Variants in ANKS1B observed in about 807,000 individuals in gnomAD.
ANKS1B encodes the protein ankyrin repeat and sterile alpha motif domain containing 1B.
ANKS1B carries 36 observed loss-of-function variants against 148.3 expected under a neutral mutation model. The observed-to-expected ratio is 0.24, with a 90% CI of 0.19 to 0.32. The LOEUF is 0.32. ANKS1B is among the 10% of genes least tolerant of loss of function. ANKS1B has a pLI of 1.00. For synonymous variants in ANKS1B, 542 were observed against 560.8 expected (o/e 0.97, Z 0.47); for missense variants, 1,157 against 1,542.6 (o/e 0.75, Z 4.19).
In ANKS1B at chr12:98,912,736, A is replaced by G. The variant is rs1009606146; in HGVS notation, c.2779-80600T>C. Reference sequence around the variant, plus strand: ...TAGCTTTTACCGGCAGATTAAGAACAAAAGGGATTCCATCACAAATCCTGG... The same window carrying G: ...TAGCTTTTACCGGCAGATTAAGAACGAAAGGGATTCCATCACAAATCCTGG... On this transcript the variant is annotated intron_variant, in intron 17 of 26. Coordinates refer to ENST00000683438, the MANE Select transcript of ANKS1B (RefSeq NM_001352186.2). Among the ~76,000 whole-genome samples, 7 of 152,216 alleles carry G rather than the reference A, an allele frequency of 4.6e-5. No individual in the cohort carries two copies. The East Asian group carries it at 5.8e-4, about 13-fold the overall frequency.
chr12:99,315,207 T>G (rs1278840086), intron 12 of ANKS1B, among the ~76,000 whole-genome samples: 1 of 148,690 alleles, frequency 6.7e-6, no homozygotes, highest in East Asian at 2.0e-4. Context: ...GCCACTGCAC[T>G]CCAGCCTAGT....
chr12:99,493,638 A>G (rs1350181011), intron 10 of ANKS1B, among the ~76,000 whole-genome samples: 1 of 152,158 alleles, frequency 6.6e-6, no homozygotes, highest in Non-Finnish European at 1.5e-5. Context: ...AGGAATTGAT[A>G]GGGAGGTTGC....
chr12:99,522,316 G>A (rs2096883070), intron 9 of ANKS1B, among the ~76,000 whole-genome samples: 1 of 152,078 alleles, frequency 6.6e-6, no homozygotes, highest in South Asian at 2.1e-4. Flanking sequence ...GCTCCAATGG[G>A]AATGAATAGC....
chr12:99,847,916 G>C lies in ANKS1B; in HGVS notation c.135-22527C>G, dbSNP rs1354654328. On this transcript the variant is annotated intron_variant, in intron 1 of 26. Coordinates refer to ENST00000683438, the MANE Select transcript of ANKS1B (RefSeq NM_001352186.2). ...TACCCCAAAGCTTAAGGCAGAGTGGGAGTAGAGGAAGAGGGACAGGGAAAC... is the reference window on the plus strand; with the variant it reads ...TACCCCAAAGCTTAAGGCAGAGTGGCAGTAGAGGAAGAGGGACAGGGAAAC... 3.3e-5 allele frequency among the ~76,000 whole-genome samples: 5 copies of C among 152,186 alleles called. No individual in the cohort carries two copies. The East Asian group carries it at 5.8e-4, about 18-fold the overall frequency.
chr12:99,822,302 C>T (rs188362749), intron 2 of ANKS1B, among the ~76,000 whole-genome samples: 88 of 152,172 alleles, frequency 5.8e-4, no homozygotes, highest in South Asian at 1.0e-3. Flanking sequence ...AAAATAATTT[C>T]AACTTTTATT....
Position 98,746,953 on chromosome 12 carries a change from C to T in ANKS1B, c.3748-1104G>A, listed in dbSNP as rs78548617. ...AAAGACTTAGAGGGAAGACCTGAGA[C>T]GATGAAAGAACTGGAAGAAAACATT... is the stretch of plus-strand genomic sequence containing the variant. On this transcript the variant is annotated intron_variant, in intron 26 of 26. Coordinates refer to ENST00000683438, the MANE Select transcript of ANKS1B (RefSeq NM_001352186.2). Among the ~76,000 whole-genome samples, 1,009 of 152,124 alleles carry T rather than the reference C, an allele frequency of 6.6e-3. 7 individuals carry two copies. Among genetic ancestry groups the T allele is most frequent in the Non-Finnish European group, 8.2e-3 (559 of 68,010 alleles).
In ANKS1B at chr12:99,250,016, C is replaced by T. The variant is rs184361707; in HGVS notation, c.1757-3152G>A. 6.6e-5 allele frequency among the ~76,000 whole-genome samples: 10 copies of T among 152,274 alleles called. No individual in the cohort carries two copies. In the East Asian group the frequency reaches 9.6e-4, roughly 15 times the overall value. ...AAGATAGACGCTCTACTCATTGATC[C>T]GAGAGGCATGCCACATTATAGGGGC... On this transcript the variant is annotated intron_variant, in intron 12 of 26. Transcript: ENST00000683438.
intron 1 of ANKS1B, among the ~76,000 whole-genome samples, chr12:99,907,888 C>T (rs2093849836): frequency 6.7e-6 from 1 of 148,486 alleles, no homozygotes; most frequent in Non-Finnish European, 1.5e-5. Context: ...AGGATGTTCA[C>T]CTTAAAACTA....
chr12:99,923,268 A>G (rs2094406802), intron 1 of ANKS1B, among the ~76,000 whole-genome samples: 1 of 152,194 alleles, frequency 6.6e-6, no homozygotes, highest in African/African-American at 2.4e-5. Flanking sequence ...TTCAGGTGCT[A>G]ATGTATAAAT....
At chr12:99,473,250 T>G (rs561036550) in intron 10 of ANKS1B, among the ~76,000 whole-genome samples, 1 of 152,168 alleles carries the variant, frequency 6.6e-6, no homozygotes, top group South Asian at 2.1e-4. Context: ...TTTTTTCATT[T>G]AACACTTTCA....
chr12:99,073,151 AATTC>A (rs2046790387), intron 16 of ANKS1B, among the ~76,000 whole-genome samples: 1 of 152,232 alleles, frequency 6.6e-6, no homozygotes, highest in South Asian at 2.1e-4. Flanking sequence ...TGACCCATTT[AATTC>A]TACAGAGAAG....
At chr12:99,982,459 T>G (rs1267285872) in intron 1 of ANKS1B, among the ~76,000 whole-genome samples, 1 of 152,206 alleles carries the variant, frequency 6.6e-6, no homozygotes, top group African/African-American at 2.4e-5. Context: ...ATTCTCACTG[T>G]TCTCAAATAA....
intron 8 of ANKS1B, among the ~76,000 whole-genome samples, chr12:99,744,433 C>A (rs1441346940): frequency 6.6e-6 from 1 of 152,154 alleles, no homozygotes; most frequent in African/African-American, 2.4e-5. Context: ...AGAACAGATG[C>A]TCTGAAGCAT....
At chr12:99,400,842 G>T (rs1380851803) in intron 11 of ANKS1B, among the ~76,000 whole-genome samples, 1 of 144,880 alleles carries the variant, frequency 6.9e-6, no homozygotes, top group Non-Finnish European at 1.5e-5. Flanking sequence ...CCTTAAATAT[G>T]TGTTAATCCC....
chr12:99,983,051 C>A (rs2153867727), intron 1 of ANKS1B, among the ~76,000 whole-genome samples: 1 of 152,262 alleles, frequency 6.6e-6, no homozygotes, highest in South Asian at 2.1e-4. Context: ...TTTTAAAAAA[C>A]CAGGGAAATC....
chr12:99,485,366 T>C (rs2096474295), intron 10 of ANKS1B, among the ~76,000 whole-genome samples: 1 of 152,176 alleles, frequency 6.6e-6, no homozygotes. Flanking sequence ...GTCAGGTTTC[T>C]GCTGTTAGTC....
chr12:99,933,713 A>AT (rs1335024127), intron 1 of ANKS1B, among the ~76,000 whole-genome samples: 1 of 152,026 alleles, frequency 6.6e-6, no homozygotes, highest in East Asian at 1.9e-4. Context: ...CTTCCTTTCC[A>AT]TTTTGGATGC....
intron 11 of ANKS1B, among the ~76,000 whole-genome samples, chr12:99,424,709 G>A (rs1315172507): frequency 4.0e-5 from 6 of 150,802 alleles, no homozygotes; most frequent in African/African-American, 1.5e-4. Flanking sequence ...TCATCTATCT[G>A]TCTGTCTGTC....
intron 14 of ANKS1B, chr12:99,154,734 G>T: frequency 2.8e-6 from 4 of 1,439,856 alleles, no homozygotes; most frequent in Non-Finnish European, 3.6e-6. Context: ...TGCGTTCTAT[G>T]TGATTGTTGG....
Sources: gnomAD v4.1 joint callset for allele counts (sites outside exome capture counted in the v4.1 genomes callset) on GRCh38, gnomAD v4.1.1 for gene constraint, MANE v1.5 for transcripts, NCBI Gene and HGNC (gene_info 2026-07-23, HGNC 2026-07-21) for gene names.